The following CDKAL1 variants were observed in gnomAD, a reference collection of about 807,000 sequenced individuals.
CDKAL1 encodes threonylcarbamoyladenosine tRNA methylthiotransferase.
CDKAL1 carries 32 observed loss-of-function variants against 68.2 expected under a neutral mutation model. The ratio of observed to expected loss-of-function variants is 0.47; its 90% CI spans 0.35 to 0.63. The LOEUF is 0.63. Among genes scored for constraint, CDKAL1 ranks in the 30% least tolerant of loss-of-function variants. The pLI, the probability that CDKAL1 is intolerant of heterozygous loss-of-function variation, is 0.00. For synonymous variants in CDKAL1, 234 were observed against 244.3 expected (o/e 0.96, Z 0.39); for missense variants, 606 against 696.7 (o/e 0.87, Z 1.47).
chr6:20,680,137 G>C (rs1219007539), intron 5 of CDKAL1, among the ~76,000 whole-genome samples: 1 of 151,834 alleles, frequency 6.6e-6, no homozygotes, highest in Non-Finnish European at 1.5e-5. Context: ...GCGTAATCTT[G>C]GTTTACTACA....
chr6:21,035,350 T>G (rs1259486785), intron 11 of CDKAL1, among the ~76,000 whole-genome samples: 1 of 152,146 alleles, frequency 6.6e-6, no homozygotes, highest in Non-Finnish European at 1.5e-5. Context: ...ACACATCTAG[T>G]CTCCTACCCT....
At chr6:20,997,163 A>C (rs766801619) in intron 10 of CDKAL1, among the ~76,000 whole-genome samples, 1 of 152,232 alleles carries the variant, frequency 6.6e-6, no homozygotes, top group African/African-American at 2.4e-5. Context: ...GCCTTGTAGC[A>C]TTCAGTTCTG....
chr6:20,624,124 C>T lies in CDKAL1; in HGVS notation c.287-25169C>T, dbSNP rs186141869. 1.7e-4 allele frequency among the ~76,000 whole-genome samples: 26 copies of T among 152,046 alleles called. No individual in the cohort carries two copies. The East Asian group carries it at 4.4e-3, about 26-fold the overall frequency. Reference sequence around the variant, plus strand: ...ATCTTGTGCAGTTTGGGAGAGTTTACTATTTAATTCAAGCAGTTTGTTTTC... The same window carrying T: ...ATCTTGTGCAGTTTGGGAGAGTTTATTATTTAATTCAAGCAGTTTGTTTTC... On this transcript the variant is annotated intron_variant, in intron 4 of 15. Coordinates refer to ENST00000274695, the MANE Select transcript of CDKAL1 (RefSeq NM_017774.3).
At chr6:20,940,958 T>C (rs1249500956) in intron 9 of CDKAL1, among the ~76,000 whole-genome samples, 10 of 152,064 alleles carry the variant, frequency 6.6e-5, no homozygotes, top group Admixed American at 4.6e-4. Context: ...GGCGTGGTGG[T>C]GGGCGCCTGT....
At chr6:20,558,533 G>A (rs1764149079) in intron 4 of CDKAL1, 1 of 456,578 alleles carries the variant, frequency 2.2e-6, no homozygotes, top group Non-Finnish European at 4.4e-6. Context: ...ACCAGACCTT[G>A]TGTTATAGGT....
At chr6:21,186,723 A>G (rs1429904133) in intron 13 of CDKAL1, among the ~76,000 whole-genome samples, 2 of 152,046 alleles carry the variant, frequency 1.3e-5, no homozygotes, top group Non-Finnish European at 2.9e-5. Context: ...AAAACATTAC[A>G]TTTACATGAT....
chr6:21,022,381 C>T (rs1359345664), intron 11 of CDKAL1, among the ~76,000 whole-genome samples: 5 of 152,260 alleles, frequency 3.3e-5, no homozygotes, highest in East Asian at 3.9e-4. Flanking sequence ...ATCTTCAAAA[C>T]GCTCATGGAT....
chr6:21,067,714 G>A (rs775114355), intron 12 of CDKAL1, among the ~76,000 whole-genome samples: 18 of 151,858 alleles, frequency 1.2e-4, no homozygotes, highest in Non-Finnish European at 2.2e-4. Context: ...TCCACTGGGG[G>A]GTCTGGCTAG....
chr6:20,597,168 G>T (rs182010013), intron 4 of CDKAL1, among the ~76,000 whole-genome samples: 8 of 151,866 alleles, frequency 5.3e-5, no homozygotes, highest in Admixed American at 5.2e-4. Context: ...TCGCTTTGTC[G>T]CCCAGGCTGG....
intron 13 of CDKAL1, among the ~76,000 whole-genome samples, chr6:21,114,211 G>A (rs949579961): frequency 2.8e-5 from 4 of 142,532 alleles, no homozygotes; most frequent in African/African-American, 1.1e-4. Context: ...TCTCGCCACT[G>A]CACTCTGGCC....
chr6:20,699,949 T>A (rs1003310416), intron 5 of CDKAL1, among the ~76,000 whole-genome samples: 2 of 152,192 alleles, frequency 1.3e-5, no homozygotes, highest in East Asian at 3.8e-4. Context: ...TGTTTTGGTT[T>A]ATTATGTTAT....
rs1778403970 is a variant in CDKAL1, at chr6:20,847,117, A to G, written c.742+939A>G. Reference sequence around the variant, plus strand: ...AATGTTTCTCTTAATAGAGAAAAATATCTCCTTGTTTGATTTATTGATGCC... The same window carrying G: ...AATGTTTCTCTTAATAGAGAAAAATGTCTCCTTGTTTGATTTATTGATGCC... On this transcript the variant is annotated intron_variant, in intron 9 of 15. Coordinates refer to ENST00000274695, the MANE Select transcript of CDKAL1 (RefSeq NM_017774.3). 5.9e-5 allele frequency among the ~76,000 whole-genome samples: 9 copies of G among 152,292 alleles called. No homozygotes were observed. The South Asian group carries it at 1.9e-3, about 32-fold the overall frequency.
intron 11 of CDKAL1, among the ~76,000 whole-genome samples, chr6:21,048,996 G>T (rs1456921977): frequency 2.6e-5 from 4 of 151,518 alleles, no homozygotes; most frequent in Non-Finnish European, 5.9e-5. Flanking sequence ...TGAATAAAAT[G>T]ATTTCACCCA....
At chr6:20,906,511 T>A (rs1211249879) in intron 9 of CDKAL1, among the ~76,000 whole-genome samples, 1 of 151,902 alleles carries the variant, frequency 6.6e-6, no homozygotes, top group East Asian at 1.9e-4. Context: ...AAGTTGAAAA[T>A]ATCTACGCTG....
intron 9 of CDKAL1, among the ~76,000 whole-genome samples, chr6:20,850,732 T>C (rs1022522453): frequency 6.6e-6 from 1 of 152,110 alleles, no homozygotes. Context: ...TTATGAGACA[T>C]TTTATATTCA....
intron 4 of CDKAL1, among the ~76,000 whole-genome samples, chr6:20,623,504 A>C (rs1321097852): frequency 2.0e-5 from 3 of 152,138 alleles, no homozygotes. Flanking sequence ...CAGTGAGGAA[A>C]GGAAATTGCT....
chr6:20,987,564 G>A (rs972546519), intron 10 of CDKAL1, among the ~76,000 whole-genome samples: 1 of 152,010 alleles, frequency 6.6e-6, no homozygotes, highest in Non-Finnish European at 1.5e-5. Context: ...GCTAGGAAAC[G>A]TTTTTATCTT....
chr6:20,793,982 T>C (rs1383591841), intron 8 of CDKAL1, among the ~76,000 whole-genome samples: 3 of 151,558 alleles, frequency 2.0e-5, no homozygotes, highest in African/African-American at 7.2e-5. Context: ...TTCTTTTGTT[T>C]ATCCCAATAC....
At chr6:21,168,107 C>A (rs150391611) in intron 13 of CDKAL1, among the ~76,000 whole-genome samples, 1 of 152,136 alleles carries the variant, frequency 6.6e-6, no homozygotes, top group African/African-American at 2.4e-5. Context: ...GCATGCTGAC[C>A]GGTGGCTTGA....
Sources: allele counts gnomAD v4.1 joint callset (sites outside exome capture counted in the v4.1 genomes callset), GRCh38; gene constraint gnomAD v4.1.1; transcripts MANE v1.5; gene names NCBI Gene and HGNC (gene_info 2026-07-23, HGNC 2026-07-21).